EPM2A: variants seen among roughly 807,000 people sequenced by gnomAD.
EPM2A encodes EPM2A glucan phosphatase, laforin.
A neutral mutation model predicts 26.5 loss-of-function variants in EPM2A; 21 were observed. The observed-to-expected ratio is 0.79, with a 90% confidence interval of 0.56 to 1.14. The LOEUF is 1.14. Ranked by LOEUF, EPM2A falls within the 50% of genes most tolerant of loss-of-function variation. EPM2A has a pLI of 0.00. For synonymous variants in EPM2A, 217 were observed against 177.6 expected (o/e 1.22, Z -1.76); for missense variants, 458 against 440.8 (o/e 1.04, Z -0.35).
At chr6:145,578,844 T>C (rs1318059292) in intron 2 of EPM2A, among the ~76,000 whole-genome samples, 1 of 152,158 alleles carries the variant, frequency 6.6e-6, no homozygotes, top group African/African-American at 2.4e-5. Context: ...TTTACCCTCA[T>C]CTTCAGGCAA....
At chr6:145,724,131 G>A (rs991309590) in intron 1 of EPM2A, among the ~76,000 whole-genome samples, 6 of 152,084 alleles carry the variant, frequency 3.9e-5, no homozygotes, top group African/African-American at 1.4e-4. Flanking sequence ...ACCTGCCTTT[G>A]TAAACCTTCA....
At chr6:145,597,309 T>A (rs956886723) in intron 2 of EPM2A, among the ~76,000 whole-genome samples, 10 of 152,218 alleles carry the variant, frequency 6.6e-5, no homozygotes, top group Non-Finnish European at 1.3e-4. Flanking sequence ...AGAGACTTTA[T>A]GATTCTGAAA....
chr6:145,383,844 G>C (rs1437379677), exon 5 of EPM2A: 2 of 152,120 alleles, frequency 1.3e-5, no homozygotes, highest in South Asian at 2.1e-4. Context: ...TCTACTTACA[G>C]ATTTCTGAAA....
downstream of EPM2A, among the ~76,000 whole-genome samples, chr6:145,624,866 T>A (rs1775714485): frequency 6.6e-6 from 1 of 151,948 alleles, no homozygotes; most frequent in Non-Finnish European, 1.5e-5. Flanking sequence ...CAAAAGAGAG[T>A]GTTTTGTGTT....
chr6:145,467,372 T>A (rs1270545122), intron 4 of EPM2A, among the ~76,000 whole-genome samples: 1 of 152,154 alleles, frequency 6.6e-6, no homozygotes, highest in Non-Finnish European at 1.5e-5. Flanking sequence ...CAGGGTAACA[T>A]ATCACATTGC....
chr6:145,653,508 A>C (rs973988277), intron 2 of EPM2A, among the ~76,000 whole-genome samples: 1 of 152,226 alleles, frequency 6.6e-6, no homozygotes, highest in African/African-American at 2.4e-5. Flanking sequence ...AGAATGGACT[A>C]ATACAGCACT....
chr6:145,572,151 T>C (rs188679682), intron 2 of EPM2A, among the ~76,000 whole-genome samples: 1 of 152,298 alleles, frequency 6.6e-6, no homozygotes, highest in Admixed American at 6.5e-5. Context: ...ACTGGGAAGA[T>C]TTCCCTTTAT....
chr6:145,551,584 A>C (rs776549852), intron 2 of EPM2A, among the ~76,000 whole-genome samples: 2 of 152,078 alleles, frequency 1.3e-5, no homozygotes, highest in African/African-American at 4.8e-5. Context: ...TTTTGCCCCA[A>C]ATTTGCACTT....
intron 2 of EPM2A, among the ~76,000 whole-genome samples, chr6:145,587,536 G>A (rs917262016): frequency 6.6e-6 from 1 of 152,138 alleles, no homozygotes; most frequent in Non-Finnish European, 1.5e-5. Flanking sequence ...CTCCTGCTGT[G>A]ATCCATTAGT....
chr6:145,578,313 C>G (rs920880517), intron 2 of EPM2A, among the ~76,000 whole-genome samples: 1 of 151,814 alleles, frequency 6.6e-6, no homozygotes, highest in Non-Finnish European at 1.5e-5. Context: ...ACTTGAAATA[C>G]AAAGAGAAGA....
intron 2 of EPM2A, among the ~76,000 whole-genome samples, chr6:145,563,080 G>A (rs965838388): frequency 6.6e-6 from 1 of 151,774 alleles, no homozygotes; most frequent in African/African-American, 2.4e-5. Flanking sequence ...GATCTGAAAC[G>A]GCTTGAGAAA....
chr6:145,611,904 AGG>A (rs969461213), intron 2 of EPM2A, among the ~76,000 whole-genome samples: 18 of 152,160 alleles, frequency 1.2e-4, no homozygotes, highest in African/African-American at 4.3e-4. Flanking sequence ...TTTTAGATGC[AGG>A]GAAACCATGT....
intron 2 of EPM2A, among the ~76,000 whole-genome samples, chr6:145,669,926 C>A (rs1779523907): frequency 6.6e-6 from 1 of 152,114 alleles, no homozygotes; most frequent in African/African-American, 2.4e-5. Flanking sequence ...GACCTTGCTT[C>A]CTATTTCACT....
At chr6:145,539,432 G>T (rs578183627) in intron 2 of EPM2A, among the ~76,000 whole-genome samples, 1 of 152,296 alleles carries the variant, frequency 6.6e-6, no homozygotes, top group Admixed American at 6.5e-5. Context: ...CCTAGCTGTA[G>T]TAGAAGCTAT....
intron 2 of EPM2A, among the ~76,000 whole-genome samples, chr6:145,650,886 T>C (rs1030284914): frequency 6.6e-6 from 1 of 152,212 alleles, no homozygotes; most frequent in African/African-American, 2.4e-5. Flanking sequence ...TTGTTTATCG[T>C]TGAGCAAAGC....
At chr6:145,666,357 T>C (rs1018982471) in intron 2 of EPM2A, among the ~76,000 whole-genome samples, 1 of 107,272 alleles carries the variant, frequency 9.3e-6, no homozygotes, top group Non-Finnish European at 1.8e-5. Context: ...CAAGCATTCT[T>C]ATACACCAAG....
chr6:145,434,696 C>A (rs1480247712), intron 4 of EPM2A, among the ~76,000 whole-genome samples: 1 of 152,006 alleles, frequency 6.6e-6, no homozygotes, highest in African/African-American at 2.4e-5. Context: ...ACTATGTTGC[C>A]CAAACACCAC....
At chr6:145,671,500 A>G (rs952653733) in intron 2 of EPM2A, 31 of 452,458 alleles carry the variant, frequency 6.9e-5, no homozygotes, top group Non-Finnish European at 7.9e-5. Context: ...TAACATTGAC[A>G]TTAATCAGGT....
rs140586609 is a variant in EPM2A, at chr6:145,540,742, GA to G, written c.341-38168del. ...CAAATTTCAAACATTTTACAAAAAT[GA>G]AAAAGATCAAAAACTAGGGGCGTGG... is the stretch of plus-strand genomic sequence containing the variant. On this transcript the variant is annotated intron_variant, in intron 2 of 3. Transcript: ENST00000450221. Among the ~76,000 whole-genome samples, 709 of 152,200 alleles carry G rather than the reference GA, an allele frequency of 4.7e-3. 25 individuals are homozygous for G. In the East Asian group the frequency reaches 0.084, roughly 18 times the overall value.
Sources: gnomAD v4.1 joint callset for allele counts (sites outside exome capture counted in the v4.1 genomes callset) on GRCh38, gnomAD v4.1.1 for gene constraint, MANE v1.5 for transcripts, NCBI Gene and HGNC (gene_info 2026-07-23, HGNC 2026-07-21) for gene names.